CORO2B: variants seen among roughly 807,000 people sequenced by gnomAD.
CORO2B encodes coronin-2B.
Under a neutral mutation model 58.8 loss-of-function variants are expected in CORO2B, and 26 were observed. The ratio of observed to expected loss-of-function variants is 0.44; its 90% CI spans 0.32 to 0.61. The LOEUF (loss-of-function observed/expected upper bound fraction) is 0.61. CORO2B is among the 20% of genes least tolerant of loss of function. The probability of loss-of-function intolerance (pLI) is 0.04; values close to 1 mark genes in which losing one functional copy is unlikely to be tolerated. For synonymous variants in CORO2B, 242 were observed against 253.8 expected, an observed-to-expected ratio of 0.95 and a Z score of 0.44; for missense variants, 460 against 645.1, an observed-to-expected ratio of 0.71 and a Z score of 3.11.
intron 3 of CORO2B, among the ~76,000 whole-genome samples, chr15:68,700,626 C>T (rs1892618188): frequency 6.6e-6 from 1 of 152,224 alleles, no homozygotes; most frequent in Non-Finnish European, 1.5e-5. Context: ...ATAACTCTCC[C>T]TGGCATCTGG....
Position 68,597,636 on chromosome 15 carries a change from A to T in CORO2B, c.15+18359A>T, listed in dbSNP as rs901817922. Among the ~76,000 whole-genome samples the T allele has an allele frequency of 5.9e-5, 9 of 151,420 alleles. No individual in the cohort carries two copies. In the South Asian group the frequency reaches 6.3e-4, roughly 11 times the overall value. ...TCTGTTTCCCCCCCATCAAAAAAAA[A>T]AAAATAAATAAATAAAAAATAAAAA... On this transcript the variant is annotated intron_variant, in intron 1 of 11. Transcript: ENST00000261861.
chr15:68,536,511 G>T, the CORO2B span, among the ~76,000 whole-genome samples: 4 of 152,224 alleles, frequency 2.6e-5, no homozygotes, highest in Admixed American at 2.6e-4. Flanking sequence ...ACGTTGGCCT[G>T]TAAGAATATG....
At chr15:68,532,159 T>C in the CORO2B span, among the ~76,000 whole-genome samples, 1 of 152,264 alleles carries the variant, frequency 6.6e-6, no homozygotes, top group Non-Finnish European at 1.5e-5. Context: ...TTTGTTCTGT[T>C]TGGGACTCAT....
At chr15:68,697,226 A>G (rs977907384) in intron 3 of CORO2B, among the ~76,000 whole-genome samples, 7 of 151,882 alleles carry the variant, frequency 4.6e-5, no homozygotes, top group Non-Finnish European at 1.0e-4. Flanking sequence ...GGATGGATGG[A>G]TGGATGGATG....
chr15:68,673,150 T>C (rs972107036), intron 2 of CORO2B, among the ~76,000 whole-genome samples: 9 of 152,144 alleles, frequency 5.9e-5, no homozygotes, highest in Admixed American at 2.6e-4. Flanking sequence ...TCTTCTGCCC[T>C]TCAGCAGTAA....
At chr15:68,720,040 G>T (rs1196723336) in intron 11 of CORO2B, among the ~76,000 whole-genome samples, 1 of 152,160 alleles carries the variant, frequency 6.6e-6, no homozygotes, top group African/African-American at 2.4e-5. Context: ...GCTGGGCCTT[G>T]TCCATGTCCC....
chr15:68,619,461 C>T (rs998418342), intron 1 of CORO2B, among the ~76,000 whole-genome samples: 1 of 152,036 alleles, frequency 6.6e-6, no homozygotes, highest in Non-Finnish European at 1.5e-5. Flanking sequence ...TCTTATCATC[C>T]CCTGGGGCTT....
chr15:68,598,277 G>A (rs929411006), intron 1 of CORO2B, among the ~76,000 whole-genome samples: 8 of 152,256 alleles, frequency 5.3e-5, no homozygotes, highest in Non-Finnish European at 8.8e-5. Flanking sequence ...CCTGGCCCAG[G>A]CCATGTGGGT....
the CORO2B span, among the ~76,000 whole-genome samples, chr15:68,531,569 A>C: frequency 6.7e-6 from 1 of 148,748 alleles, no homozygotes; most frequent in Admixed American, 6.8e-5. Flanking sequence ...AGAAAGAGAA[A>C]GAAAGAGAAA....
the CORO2B span, among the ~76,000 whole-genome samples, chr15:68,564,738 T>G: frequency 6.6e-6 from 1 of 152,250 alleles, no homozygotes; most frequent in Non-Finnish European, 1.5e-5. Context: ...TGGTTGCTCC[T>G]TCTAAAGTAA....
At chr15:68,718,547 G>A (rs139898557) in intron 8 of CORO2B, 151 bp from the exon 9 acceptor site, 23 of 640,928 alleles carry the variant, frequency 3.6e-5, no homozygotes, top group South Asian at 1.3e-4. Context: ...GATTGAAGGC[G>A]CCCCGGTCTA....
chr15:68,605,913 CG>C (rs1180228422), intron 1 of CORO2B, among the ~76,000 whole-genome samples: 1 of 151,614 alleles, frequency 6.6e-6, no homozygotes, highest in Admixed American at 6.6e-5. Flanking sequence ...TTAGTAGAGA[CG>C]GGGGTTTCAC....
chr15:68,589,112 C>A (rs1899638061), intron 1 of CORO2B, among the ~76,000 whole-genome samples: 1 of 152,196 alleles, frequency 6.6e-6, no homozygotes, highest in Non-Finnish European at 1.5e-5. Flanking sequence ...AGGGCTTGAG[C>A]TGTTCTGTTA....
At chr15:68,526,984 A>G in the CORO2B span, among the ~76,000 whole-genome samples, 1 of 152,178 alleles carries the variant, frequency 6.6e-6, no homozygotes, top group Non-Finnish European at 1.5e-5. Context: ...ATTTCCTTAC[A>G]AAAAGAGGAA....
chr15:68,666,281 A>G (rs1902187912), intron 2 of CORO2B, among the ~76,000 whole-genome samples: 1 of 152,216 alleles, frequency 6.6e-6, no homozygotes, highest in African/African-American at 2.4e-5. Flanking sequence ...CAGATATGCA[A>G]ATACTGAAAG....
chr15:68,518,770 G>A, the CORO2B span, among the ~76,000 whole-genome samples: 1 of 152,016 alleles, frequency 6.6e-6, no homozygotes, highest in Non-Finnish European at 1.5e-5. Flanking sequence ...AGGGGGTGGG[G>A]GGCTGCTGAA....
At chr15:68,618,748 A>G (rs1310422418) in intron 1 of CORO2B, among the ~76,000 whole-genome samples, 3 of 152,240 alleles carry the variant, frequency 2.0e-5, no homozygotes, top group Non-Finnish European at 2.9e-5. Context: ...TCACATGGCT[A>G]CTAAGTGGTA....
At chr15:68,639,828 T>C (rs1901151480) in intron 1 of CORO2B, among the ~76,000 whole-genome samples, 1 of 152,216 alleles carries the variant, frequency 6.6e-6, no homozygotes, top group South Asian at 2.1e-4. Flanking sequence ...GTCCCAGTCT[T>C]GCGCCTTGTG....
the CORO2B span, among the ~76,000 whole-genome samples, chr15:68,562,850 G>A: frequency 5.1e-3 from 778 of 151,900 alleles, 15 homozygotes; most frequent in African/African-American, 0.018. Flanking sequence ...GGTGGCAGGC[G>A]CCGGTAGAAC....
Sources: gnomAD v4.1 joint callset for allele counts (sites outside exome capture counted in the v4.1 genomes callset) on GRCh38, gnomAD v4.1.1 for gene constraint, MANE v1.5 for transcripts, NCBI Gene and HGNC (gene_info 2026-07-23, HGNC 2026-07-21) for gene names.